THSD4: variants seen among roughly 807,000 people sequenced by gnomAD.
THSD4 encodes the protein thrombospondin type-1 domain-containing protein 4.
In THSD4, 69 loss-of-function variants were observed where a neutral mutation model predicts 119.0. That is an observed-to-expected ratio of 0.58 (90% CI 0.48 to 0.71). The LOEUF is 0.71. Ranked by LOEUF, THSD4 falls within the 30% of genes least tolerant of loss-of-function variation. The pLI, the probability that THSD4 is intolerant of heterozygous loss-of-function variation, is 0.00. For synonymous variants in THSD4, 524 were observed against 540.4 expected (o/e 0.97, Z 0.42); for missense variants, 1,393 against 1,391.1 (o/e 1.00, Z -0.02).
chr15:71,757,761 A>T, intron 14 of THSD4, 141 bp from the exon 15 acceptor site: 1 of 1,011,022 alleles, frequency 9.9e-7, no homozygotes, highest in Non-Finnish European at 1.5e-6. Context: ...GGAGTAGGCT[A>T]TGCACGAGAA....
At chr15:71,153,152 C>T (rs986662616) in intron 2 of THSD4, among the ~76,000 whole-genome samples, 11 of 152,156 alleles carry the variant, frequency 7.2e-5, no homozygotes, top group Non-Finnish European at 7.3e-5. Context: ...CCAGGGCATC[C>T]GGATCAAGCT....
At chr15:71,282,790 C>A (rs541062650) in intron 6 of THSD4, among the ~76,000 whole-genome samples, 29 of 152,270 alleles carry the variant, frequency 1.9e-4, no homozygotes, top group Middle Eastern at 6.8e-3. Context: ...TGACTCCTCA[C>A]TGATTTCTTC....
In THSD4 at chr15:71,600,389, T is replaced by C. The variant is rs550517455; in HGVS notation, c.1153-60141T>C. ...TCTCTTGGAATTCTTGTCATTGTCT[T>C]CTTTGTCTTAATACATGACCTTTAC... On this transcript the variant is annotated intron_variant, in intron 7 of 17. Transcript: ENST00000261862. Among the ~76,000 whole-genome samples, 13 of 152,362 alleles carry C rather than the reference T, an allele frequency of 8.5e-5. No individual in the cohort carries two copies. In the South Asian group the frequency reaches 2.7e-3, roughly 32 times the overall value.
At chr15:71,653,969 G>A (rs1471303102) in intron 7 of THSD4, among the ~76,000 whole-genome samples, 2 of 151,816 alleles carry the variant, frequency 1.3e-5, no homozygotes, top group Non-Finnish European at 2.9e-5. Flanking sequence ...TGATTTGATT[G>A]TGTCTGACTT....
chr15:71,529,009 G>T (rs912512013), intron 7 of THSD4, among the ~76,000 whole-genome samples: 1 of 152,220 alleles, frequency 6.6e-6, no homozygotes, highest in African/African-American at 2.4e-5. Flanking sequence ...TCCATAGCTA[G>T]GCCGTATTTC....
At chr15:71,660,850 C>A in intron 8 of THSD4, 116 bp downstream of exon 8, 1 of 1,179,858 alleles carries the variant, frequency 8.5e-7, no homozygotes, top group Non-Finnish European at 1.2e-6. Flanking sequence ...CAGGCAGTGC[C>A]CCTGGGGAAT....
intron 7 of THSD4, among the ~76,000 whole-genome samples, chr15:71,603,887 G>GCTAGTTAA (rs1472083505): frequency 6.6e-6 from 1 of 152,164 alleles, no homozygotes; most frequent in African/African-American, 2.4e-5. Context: ...TGGTCATCCA[G>GCTAGTTAA]GCATGAGTTA....
At chr15:71,234,468 G>A (rs892013857) in intron 4 of THSD4, among the ~76,000 whole-genome samples, 8 of 152,232 alleles carry the variant, frequency 5.3e-5, no homozygotes, top group African/African-American at 1.9e-4. Context: ...ACCACGCCCA[G>A]CTGATTTTTG....
chr15:71,766,215 T>A (rs1014580722), intron 16 of THSD4, among the ~76,000 whole-genome samples: 1 of 152,060 alleles, frequency 6.6e-6, no homozygotes, highest in African/African-American at 2.4e-5. Context: ...GTTGAAGAGT[T>A]CATTTTCAAG....
In THSD4 at chr15:71,141,441, T is replaced by C; in HGVS notation, c.-79-8T>C. 1 of 1,352,040 alleles carries C rather than the reference T, an allele frequency of 7.4e-7. No homozygotes were observed. Among genetic ancestry groups the C allele is most frequent in the Non-Finnish European group, 1.0e-6 (1 of 988,210 alleles). 83.8% of individuals were successfully genotyped at this position (1,352,040 alleles called of 1,614,324 possible). On this transcript the variant is annotated splice_region_variant and splice_polypyrimidine_tract_variant and intron_variant, in intron 1 of 17. Transcript: ENST00000261862. ...TGTTGCTAAAAATAACATTGTTCATTTCCATAGGACTTGAACGCAACTCCC... is the reference window on the plus strand; with the variant it reads ...TGTTGCTAAAAATAACATTGTTCATCTCCATAGGACTTGAACGCAACTCCC...
chr15:71,700,985 A>G (rs912709297), intron 8 of THSD4, among the ~76,000 whole-genome samples: 1 of 152,120 alleles, frequency 6.6e-6, no homozygotes, highest in African/African-American at 2.4e-5. Context: ...TTCTGACAAG[A>G]ACTAAACTCT....
intron 6 of THSD4, among the ~76,000 whole-genome samples, chr15:71,395,201 C>A (rs2046431662): frequency 6.6e-6 from 1 of 152,148 alleles, no homozygotes; most frequent in South Asian, 2.1e-4. Context: ...AGAGGAGTAA[C>A]ATGATGAAAC....
At chr15:71,613,589 C>T (rs776695791) in intron 7 of THSD4, among the ~76,000 whole-genome samples, 1 of 152,174 alleles carries the variant, frequency 6.6e-6, no homozygotes, top group Non-Finnish European at 1.5e-5. Context: ...ATTTTCACAG[C>T]TTTCTACATC....
At chr15:71,355,297 A>G (rs1358476185) in intron 6 of THSD4, among the ~76,000 whole-genome samples, 1 of 152,224 alleles carries the variant, frequency 6.6e-6, no homozygotes, top group Non-Finnish European at 1.5e-5. Flanking sequence ...CCAGCTCATC[A>G]AGGAGCTCTT....
intron 3 of THSD4, among the ~76,000 whole-genome samples, chr15:71,195,309 T>C (rs999449180): frequency 1.3e-5 from 2 of 152,104 alleles, no homozygotes; most frequent in African/African-American, 2.4e-5. Flanking sequence ...AAAAAGGCAA[T>C]GGAGAAATGT....
chr15:71,534,979 A>G (rs1404113811), intron 7 of THSD4, among the ~76,000 whole-genome samples: 1 of 152,238 alleles, frequency 6.6e-6, no homozygotes, highest in African/African-American at 2.4e-5. Context: ...AACAGAAAAA[A>G]ACAGGTATAA....
chr15:71,512,422 C>T (rs1050754133), intron 7 of THSD4, among the ~76,000 whole-genome samples: 5 of 152,116 alleles, frequency 3.3e-5, no homozygotes, highest in African/African-American at 4.8e-5. Flanking sequence ...GTGACCCCTG[C>T]GTTTACAATA....
chr15:71,320,705 G>C (rs554299954), intron 6 of THSD4, among the ~76,000 whole-genome samples: 21 of 152,156 alleles, frequency 1.4e-4, no homozygotes, highest in Non-Finnish European at 2.6e-4. Flanking sequence ...CGCACTGCTT[G>C]TCCCTTGATT....
At chr15:71,656,132 G>A (rs1280981524) in intron 7 of THSD4, among the ~76,000 whole-genome samples, 1 of 152,122 alleles carries the variant, frequency 6.6e-6, no homozygotes, top group Non-Finnish European at 1.5e-5. Flanking sequence ...GAAAGTCATA[G>A]CACGTAATCT....
Sources: allele counts gnomAD v4.1 joint callset (sites outside exome capture counted in the v4.1 genomes callset), GRCh38; gene constraint gnomAD v4.1.1; transcripts MANE v1.5; gene names NCBI Gene and HGNC (gene_info 2026-07-23, HGNC 2026-07-21).